ASB2: variants seen among roughly 807,000 people sequenced by gnomAD.
ASB2 encodes ankyrin repeat and SOCS box protein 2.
ASB2 carries 58 observed loss-of-function variants against 62.4 expected under a neutral mutation model. The observed-to-expected ratio is 0.93, with a 90% CI of 0.75 to 1.16. ASB2 has a LOEUF of 1.16. Among genes scored for constraint, ASB2 ranks in the 50% most tolerant of loss-of-function variants. ASB2 has a pLI of 0.00. For missense variants in ASB2, 928 were observed against 887.9 expected, an observed-to-expected ratio of 1.05 and a Z score of -0.57; for synonymous variants, 386 against 385.3, an observed-to-expected ratio of 1.00 and a Z score of -0.02.
chr14:93,944,606 G>A (rs1888653471), intron 7 of ASB2, among the ~76,000 whole-genome samples: 1 of 152,204 alleles, frequency 6.6e-6, no homozygotes, highest in South Asian at 2.1e-4. Context: ...GGGCTTGCTG[G>A]CCATGGGCTC....
At chr14:93,935,828 G>T (rs922425910) in intron 9 of ASB2, among the ~76,000 whole-genome samples, 1 of 152,134 alleles carries the variant, frequency 6.6e-6, no homozygotes, top group African/African-American at 2.4e-5. Context: ...CTACCACATA[G>T]TACGCCAAAG....
intron 4 of ASB2, among the ~76,000 whole-genome samples, chr14:93,953,842 G>T (rs1889069792): frequency 6.6e-6 from 1 of 152,122 alleles, no homozygotes; most frequent in African/African-American, 2.4e-5. Flanking sequence ...GGCCGTGTGG[G>T]GTCTGTGCTG....
At chr14:93,953,562 C>T (rs942319232) in intron 4 of ASB2, 55 bp from the exon 5 acceptor site, 166 of 1,449,182 alleles carry the variant, frequency 1.1e-4, no homozygotes, top group Non-Finnish European at 1.5e-4. Flanking sequence ...AGCCCCGCAA[C>T]ACAGAGGCTT....
At chr14:93,957,401 G>A in intron 2 of ASB2, 2 of 1,014,812 alleles carry the variant, frequency 2.0e-6, no homozygotes, top group Non-Finnish European at 2.4e-6. Context: ...CCAGGGGTAG[G>A]AGCAGACACT....
chr14:93,956,451 C>T (rs544176522), intron 3 of ASB2, among the ~76,000 whole-genome samples: 142 of 152,314 alleles, frequency 9.3e-4, no homozygotes, highest in African/African-American at 3.2e-3. Flanking sequence ...CAATTTCCCT[C>T]GTGCTGGGTC....
At chr14:93,968,520 A>G (rs1420190984) in intron 1 of ASB2, among the ~76,000 whole-genome samples, 1 of 152,172 alleles carries the variant, frequency 6.6e-6, no homozygotes, top group African/African-American at 2.4e-5. Context: ...CAATTCCAGG[A>G]ACACTGACCC....
chr14:93,970,025 A>T (rs905265375), intron 1 of ASB2: 2 of 152,230 alleles, frequency 1.3e-5, no homozygotes, highest in African/African-American at 4.8e-5. Flanking sequence ...GAGGACCAAA[A>T]TTGCATTTAA....
chr14:93,954,977 A>T (rs979465463), intron 3 of ASB2: 1 of 447,924 alleles, frequency 2.2e-6, no homozygotes, highest in Non-Finnish European at 4.5e-6. Context: ...TGAAGCCTTC[A>T]CAGTTTAAAA....
chr14:93,972,848 GC>G (rs1415046909), intron 1 of ASB2, among the ~76,000 whole-genome samples: 1 of 152,206 alleles, frequency 6.6e-6, no homozygotes, highest in African/African-American at 2.4e-5. Flanking sequence ...GGTGTCTAGG[GC>G]CTCACAGCTG....
At position 93,953,522 on chromosome 14, in the gene ASB2, C is replaced by T. The variant is rs1313948474; in HGVS notation, c.479-15G>A. ...CCCTGGGTACGCTAGGGAGGGCCCA[C>T]CGGGAAATTCATGTAGGAGAAAGAT... is the stretch of plus-strand genomic sequence containing the variant. On this transcript the variant is annotated splice_polypyrimidine_tract_variant and intron_variant, in intron 4 of 9. Transcript: ENST00000555019. 2 of 1,558,314 alleles carry T rather than the reference C, an allele frequency of 1.3e-6. No homozygotes were observed. Among genetic ancestry groups the T allele is most frequent in the Non-Finnish European group, 1.7e-6 (2 of 1,144,246 alleles).
intron 2 of ASB2, among the ~76,000 whole-genome samples, chr14:93,961,777 G>C (rs145874029): frequency 6.6e-6 from 1 of 152,238 alleles, no homozygotes; most frequent in African/African-American, 2.4e-5. Context: ...GCACAAGTGC[G>C]TGTGTGCCGT....
At chr14:93,944,710 G>C (rs968368234) in intron 7 of ASB2, among the ~76,000 whole-genome samples, 1 of 152,240 alleles carries the variant, frequency 6.6e-6, no homozygotes, top group African/African-American at 2.4e-5. Flanking sequence ...TTGGGGGACA[G>C]AGGGAAATGG....
At chr14:93,951,882 T>C (rs982327005) in intron 5 of ASB2, among the ~76,000 whole-genome samples, 2 of 152,262 alleles carry the variant, frequency 1.3e-5, no homozygotes, top group East Asian at 3.8e-4. Context: ...CAAGTCTTTC[T>C]TGACCTGCTC....
rs974725910 is a variant in ASB2, at chr14:93,949,476, C to T, written c.880+1523G>A. Reference sequence around the variant, plus strand: ...AAAATAGTGTAAGCACATCTCTCAGCGCAGTGCCTGCCACAGGGAAGCTGC... The same window carrying T: ...AAAATAGTGTAAGCACATCTCTCAGTGCAGTGCCTGCCACAGGGAAGCTGC... On this transcript the variant is annotated intron_variant, in intron 6 of 9. Transcript: ENST00000555019. Among the ~76,000 whole-genome samples, 12 of 152,342 alleles carry T rather than the reference C, an allele frequency of 7.9e-5. No individual in the cohort carries two copies. The East Asian group carries it at 1.4e-3, about 17-fold the overall frequency.
In ASB2 at chr14:93,956,991, A is replaced by ACT. The variant is rs1889246402; in HGVS notation, c.207-122_207-121insAG. 1.9e-6 allele frequency: 3 copies of ACT among 1,562,186 alleles called. No individual in the cohort carries two copies. In the African/African-American group the frequency reaches 4.1e-5, roughly 21 times the overall value. ...CAGGGAGAGACTGACTGACAGACACAGGGCTCTGAACCAAAGCAGATGGCC... is the reference window on the plus strand; with the variant it reads ...CAGGGAGAGACTGACTGACAGACACACTGGGCTCTGAACCAAAGCAGATGGCC... On this transcript the variant is annotated intron_variant, in intron 2 of 9. Transcript: ENST00000555019.
intron 3 of ASB2, 124 bp downstream of exon 3, chr14:93,956,642 T>A: frequency 7.6e-7 from 1 of 1,318,190 alleles, no homozygotes; most frequent in Non-Finnish European, 1.1e-6. Context: ...GGAGCGTGCC[T>A]GGCAGGTGCC....
intron 2 of ASB2, among the ~76,000 whole-genome samples, chr14:93,959,582 G>A (rs540376285): frequency 6.6e-6 from 1 of 152,306 alleles, no homozygotes; most frequent in Admixed American, 6.5e-5. Context: ...GCCTGGCCTC[G>A]GCAGGATGTG....
chr14:93,954,738 C>T (rs1399217104), intron 3 of ASB2, among the ~76,000 whole-genome samples: 1 of 152,210 alleles, frequency 6.6e-6, no homozygotes, highest in African/African-American at 2.4e-5. Context: ...CAATGCCAGC[C>T]TCCTAGAGGG....
rs530879301 is a variant in ASB2 at position 93,969,705 on chromosome 14, T to G, written c.-73-5093A>C. Among the ~76,000 whole-genome samples, 14 of 152,234 alleles carry G rather than the reference T, an allele frequency of 9.2e-5. No homozygotes were observed. The East Asian group carries it at 2.7e-3, about 29-fold the overall frequency. The stretch of plus-strand genomic sequence containing the variant: ...CCCAGCCATCAGGGAGGCTTCCTGG[T>G]AGAGGGAGGGGCCAGTCCAAGGCCA... On this transcript the variant is annotated intron_variant, in intron 1 of 9. Transcript: ENST00000555019.
Sources: allele counts gnomAD v4.1 joint callset (sites outside exome capture counted in the v4.1 genomes callset), GRCh38; gene constraint gnomAD v4.1.1; transcripts MANE v1.5; gene names NCBI Gene and HGNC (gene_info 2026-07-23, HGNC 2026-07-21).